The following MCPH1 variants were observed in gnomAD, a reference collection of about 807,000 sequenced individuals.
MCPH1 encodes microcephalin 1, also known as microcephalin.
A neutral mutation model predicts 84.5 loss-of-function variants in MCPH1; 104 were observed. That is an observed-to-expected ratio of 1.23 (90% CI 1.05 to 1.45). The LOEUF (loss-of-function observed/expected upper bound fraction) is 1.45. MCPH1 is among the 40% of genes most tolerant of loss of function. MCPH1 has a pLI of 0.00. For missense variants in MCPH1, 1,498 were observed against 1,005.7 expected, an observed-to-expected ratio of 1.49 and a Z score of -6.62; for synonymous variants, 514 against 366.8, an observed-to-expected ratio of 1.40 and a Z score of -4.58.
At chr8:6,517,226 A>G (rs765019416) in intron 12 of MCPH1, among the ~76,000 whole-genome samples, 2 of 152,192 alleles carry the variant, frequency 1.3e-5, no homozygotes, top group East Asian at 3.8e-4. Context: ...AGGGCAGTTA[A>G]TATCTTTAAT....
At chr8:6,415,619 G>A (rs1039308961) in intron 3 of MCPH1, among the ~76,000 whole-genome samples, 4 of 152,156 alleles carry the variant, frequency 2.6e-5, no homozygotes, top group Admixed American at 2.0e-4. Context: ...CTCCCAAAGT[G>A]CTAGGATTAC....
chr8:6,575,943 C>T (rs543358715), intron 12 of MCPH1, among the ~76,000 whole-genome samples: 1 of 151,858 alleles, frequency 6.6e-6, no homozygotes, highest in African/African-American at 2.4e-5. Context: ...CTGCCCCACA[C>T]CTTCACCTCA....
intron 12 of MCPH1, 163 bp downstream of exon 12, chr8:6,500,092 A>G: frequency 1.5e-6 from 1 of 666,318 alleles, no homozygotes. Context: ...TTTATTCGCG[A>G]GAACAAATGT....
chr8:6,470,923 G>A (rs1807636780), intron 9 of MCPH1, among the ~76,000 whole-genome samples: 2 of 152,250 alleles, frequency 1.3e-5, no homozygotes, highest in Admixed American at 6.5e-5. Flanking sequence ...CATCCAGTTA[G>A]CAATTAGGAA....
intron 12 of MCPH1, among the ~76,000 whole-genome samples, chr8:6,518,592 C>T (rs1234782460): frequency 6.6e-6 from 1 of 152,122 alleles, no homozygotes; most frequent in Non-Finnish European, 1.5e-5. Context: ...GTCTTTAAAA[C>T]CCTAATGCTT....
chr8:6,473,865 A>G, intron 9 of MCPH1: 4 of 1,487,662 alleles, frequency 2.7e-6, no homozygotes, highest in Admixed American at 2.3e-5. Context: ...TCTTTGATCC[A>G]CTGCTCAATC....
chr8:6,494,680 T>C (rs899613916), intron 11 of MCPH1: 3 of 152,164 alleles, frequency 2.0e-5, no homozygotes, highest in African/African-American at 7.2e-5. Flanking sequence ...TTTCAGACAG[T>C]ATATCCAGAA....
rs140736034 is a variant in MCPH1, at chr8:6,459,442, A to G, written c.1935+4190A>G. On this transcript the variant is annotated intron_variant, in intron 9 of 13. Coordinates refer to ENST00000344683, the MANE Select transcript of MCPH1 (RefSeq NM_024596.5). ...AGGTGCACGCCACATATTTTTATGTATAAGGACATATTAAGGTATTAGATT... is the reference window on the plus strand; with the variant it reads ...AGGTGCACGCCACATATTTTTATGTGTAAGGACATATTAAGGTATTAGATT... Among the ~76,000 whole-genome samples, 182 of 152,328 alleles carry G rather than the reference A, an allele frequency of 1.2e-3. 3 individuals carry two copies. In the East Asian group the frequency reaches 0.029, roughly 25 times the overall value.
At chr8:6,475,766 G>A (rs1205446030) in intron 9 of MCPH1, among the ~76,000 whole-genome samples, 1 of 152,154 alleles carries the variant, frequency 6.6e-6, no homozygotes, top group Non-Finnish European at 1.5e-5. Context: ...GTTTTAGTTG[G>A]TGAGTTTAAA....
chr8:6,517,251 ATGGTGC>A (rs1816434609), intron 12 of MCPH1, among the ~76,000 whole-genome samples: 1 of 152,188 alleles, frequency 6.6e-6, no homozygotes. Context: ...CCACTGGTGC[ATGGTGC>A]AGGAACCTGA....
chr8:6,499,860 G>T lies in MCPH1; in HGVS notation c.2145G>T (p.Trp715Cys), dbSNP rs201599657. 1 of 1,613,020 alleles carries T rather than the reference G, an allele frequency of 6.2e-7. No homozygotes were observed. The highest frequency in any genetic ancestry group is 1.3e-5 in the African/African-American group (1 of 74,876). ...CWVLSYDWVLWSLELGHWISE... is the reference protein window; with the variant it reads ...CWVLSYDWVLCSLELGHWISE... The stretch of plus-strand genomic sequence containing the variant: ...TGTTGTGTCACTTGCAGGTGCTATG[G>T]TCTTTAGAATTGGGTCACTGGATTT... The change falls in exon 12 of 14, where the codon TGG (tryptophan) becomes TGT (cysteine). Residue 715 changes from tryptophan (W) to cysteine (C), a missense_variant. Coordinates refer to ENST00000344683, the MANE Select transcript of MCPH1 (RefSeq NM_024596.5).
intron 12 of MCPH1, among the ~76,000 whole-genome samples, chr8:6,550,321 G>A (rs968125167): frequency 1.3e-5 from 2 of 152,116 alleles, no homozygotes; most frequent in African/African-American, 2.4e-5. Context: ...ATGTGTGTGG[G>A]TCCTGGGAGT....
At chr8:6,501,189 A>G (rs1329623361) in intron 12 of MCPH1, 2 of 152,228 alleles carry the variant, frequency 1.3e-5, no homozygotes, top group African/African-American at 4.8e-5. Context: ...TGACTTTGCC[A>G]GAGTCCATCA....
intron 13 of MCPH1, chr8:6,634,799 A>G (rs1450333575): frequency 6.6e-6 from 1 of 152,178 alleles, no homozygotes; most frequent in Non-Finnish European, 1.5e-5. Context: ...GATGCTGTGT[A>G]CTTTCCCCCA....
At chr8:6,525,759 A>G (rs1818210954) in intron 12 of MCPH1, among the ~76,000 whole-genome samples, 1 of 152,108 alleles carries the variant, frequency 6.6e-6, no homozygotes, top group Admixed American at 6.6e-5. Context: ...GCTGTTGATG[A>G]AAAAAACCTT....
intron 12 of MCPH1, among the ~76,000 whole-genome samples, chr8:6,565,812 A>C (rs1024654930): frequency 1.3e-5 from 2 of 152,216 alleles, no homozygotes; most frequent in Non-Finnish European, 2.9e-5. Flanking sequence ...ACAAAGAAAG[A>C]CAGTGATGCT....
chr8:6,531,826 C>T (rs1253139580), intron 12 of MCPH1, among the ~76,000 whole-genome samples: 6 of 152,200 alleles, frequency 3.9e-5, no homozygotes, highest in East Asian at 1.9e-4. Flanking sequence ...TGTGGCTAGA[C>T]GCTTCTCACT....
intron 13 of MCPH1, among the ~76,000 whole-genome samples, chr8:6,636,135 T>TC (rs1384805077): frequency 2.0e-5 from 3 of 152,106 alleles, no homozygotes; most frequent in Non-Finnish European, 4.4e-5. Flanking sequence ...GGCCAGGAGT[T>TC]CAACACCAGC....
At chr8:6,467,092 TATA>T (rs1377737190) in intron 9 of MCPH1, among the ~76,000 whole-genome samples, 2 of 152,242 alleles carry the variant, frequency 1.3e-5, no homozygotes, top group African/African-American at 4.8e-5. Context: ...AATGAGGCGT[TATA>T]ATAGGGTTTG....
Sources: allele counts gnomAD v4.1 joint callset (sites outside exome capture counted in the v4.1 genomes callset), GRCh38; gene constraint gnomAD v4.1.1; transcripts MANE v1.5; gene names NCBI Gene and HGNC (gene_info 2026-07-23, HGNC 2026-07-21).